DACH2: variants seen among roughly 807,000 people sequenced by gnomAD.
The protein encoded by DACH2 is dachshund homolog 2.
A neutral mutation model predicts 35.8 loss-of-function variants in DACH2; 17 were observed. That is an observed-to-expected ratio of 0.48 (90% CI 0.33 to 0.71). The LOEUF is 0.71. DACH2 is among the 30% of genes least tolerant of loss of function. The probability of loss-of-function intolerance (pLI) is 0.02; values close to 1 mark genes in which losing one functional copy is unlikely to be tolerated. For synonymous variants in DACH2, 195 were observed against 177.3 expected, an observed-to-expected ratio of 1.10 and a Z score of -0.79; for missense variants, 469 against 472.7, an observed-to-expected ratio of 0.99 and a Z score of 0.07.
chrX:86,733,160 A>T (rs1037125265), intron 6 of DACH2, among the ~76,000 whole-genome samples: 1 of 111,930 alleles, frequency 8.9e-6, no homozygotes, highest in Non-Finnish European at 1.9e-5. Flanking sequence ...TTCATCCCCA[A>T]CGTGGTGCGT....
intron 2 of DACH2, among the ~76,000 whole-genome samples, chrX:86,470,784 T>TA (rs1424539088): frequency 9.0e-6 from 1 of 111,411 alleles, no homozygotes; most frequent in Non-Finnish European, 1.9e-5. Flanking sequence ...CCCAAATCTG[T>TA]AAAAATAAAA....
At chrX:86,546,418 T>TTCTTCTTCTTCTTCC (rs1368469867) in intron 3 of DACH2, among the ~76,000 whole-genome samples, 1 of 33,878 alleles carries the variant, frequency 3.0e-5, no homozygotes, top group African/African-American at 1.2e-4. Flanking sequence ...CTTCTTCTTC[T>TTCTTCTTCTTCTTCC]TTCTTCTTCT....
chrX:86,786,880 G>A (rs1352755491), intron 7 of DACH2, among the ~76,000 whole-genome samples: 2 of 111,778 alleles, frequency 1.8e-5, no homozygotes, highest in Admixed American at 1.9e-4. Flanking sequence ...CCAGTGGGAG[G>A]TAATTGAGCC....
intron 2 of DACH2, among the ~76,000 whole-genome samples, chrX:86,489,788 G>A (rs775008169): frequency 2.7e-5 from 3 of 111,476 alleles, no homozygotes; most frequent in East Asian, 5.6e-4. Context: ...TATAGTGCTC[G>A]TTATTGTGCA....
chrX:86,171,540 G>T (rs1291968663), intron 1 of DACH2, among the ~76,000 whole-genome samples: 1 of 111,891 alleles, frequency 8.9e-6, no homozygotes, highest in Non-Finnish European at 1.9e-5. Flanking sequence ...TGGGATTGGG[G>T]ATTCCCCTCT....
At chrX:86,389,675 C>T (rs2036171037) in intron 2 of DACH2, among the ~76,000 whole-genome samples, 3 of 111,808 alleles carry the variant, frequency 2.7e-5, no homozygotes, top group South Asian at 7.4e-4. Context: ...CCCATTGCTT[C>T]TGTTAGGTTT....
Position 86,806,300 on chromosome X carries a change from G to A in DACH2, c.1241-6556G>A, listed in dbSNP as rs1027071749. On this transcript the variant is annotated intron_variant, in intron 7 of 11. Coordinates refer to ENST00000373125, the MANE Select transcript of DACH2 (RefSeq NM_053281.3). ...ATGTCTTATATGACCAGAGCAGGAGGAAGAGATAGATGGGGAGGTGTCATA... is the reference window on the plus strand; with the variant it reads ...ATGTCTTATATGACCAGAGCAGGAGAAAGAGATAGATGGGGAGGTGTCATA... Among the ~76,000 whole-genome samples the A allele has an allele frequency of 4.5e-5, 5 of 110,134 alleles. No homozygotes were observed. In the East Asian group the frequency reaches 1.4e-3, roughly 32 times the overall value.
chrX:86,225,897 C>G (rs1349750060), intron 1 of DACH2, among the ~76,000 whole-genome samples: 1 of 111,228 alleles, frequency 9.0e-6, no homozygotes, highest in Non-Finnish European at 1.9e-5. Context: ...CAAATGAAGG[C>G]TATAAATTCA....
intron 2 of DACH2, among the ~76,000 whole-genome samples, chrX:86,490,380 A>G (rs2038077856): frequency 9.0e-6 from 1 of 111,582 alleles, no homozygotes; most frequent in South Asian, 3.7e-4. Flanking sequence ...GTAAACTTCC[A>G]CTACTGATCC....
chrX:86,160,383 C>T, intron 1 of DACH2: 1 of 661,593 alleles, frequency 1.5e-6, no homozygotes, highest in Non-Finnish European at 2.4e-6. Flanking sequence ...GAGAAGCTCT[C>T]AATACACATG....
At chrX:86,731,688 G>T (rs1275459102) in intron 6 of DACH2, among the ~76,000 whole-genome samples, 1 of 111,896 alleles carries the variant, frequency 8.9e-6, no homozygotes, top group East Asian at 2.8e-4. Flanking sequence ...GTAAAAAAAA[G>T]AAAATGTTTG....
intron 1 of DACH2, among the ~76,000 whole-genome samples, chrX:86,333,242 T>C (rs1345432711): frequency 8.9e-6 from 1 of 112,259 alleles, no homozygotes; most frequent in Non-Finnish European, 1.9e-5. Flanking sequence ...AAACTTCAAA[T>C]GAAATACAGC....
At chrX:86,616,208 T>C (rs764504163) in intron 3 of DACH2, among the ~76,000 whole-genome samples, 1 of 112,047 alleles carries the variant, frequency 8.9e-6, no homozygotes, top group Non-Finnish European at 1.9e-5. Context: ...GTCTTTGTTA[T>C]TGTGAATAAT....
At chrX:86,562,090 CT>C (rs1299745503) in intron 3 of DACH2, among the ~76,000 whole-genome samples, 1 of 108,898 alleles carries the variant, frequency 9.2e-6, no homozygotes, top group African/African-American at 3.3e-5. Context: ...ACACATACTT[CT>C]TTTTTTATTC....
intron 3 of DACH2, among the ~76,000 whole-genome samples, chrX:86,529,981 A>ACACG (rs1556296756): frequency 3.9e-5 from 4 of 101,441 alleles, no homozygotes; most frequent in African/African-American, 3.5e-5. Context: ...ACACACGCAC[A>ACACG]CACACACACA....
chrX:86,204,632 C>T (rs770670129), intron 1 of DACH2, among the ~76,000 whole-genome samples: 9 of 111,636 alleles, frequency 8.1e-5, no homozygotes, highest in African/African-American at 2.0e-4. Context: ...AGTGGTAAAT[C>T]GATGTTCAGG....
chrX:86,790,857 G>A (rs1488741513), intron 7 of DACH2, among the ~76,000 whole-genome samples: 1 of 111,298 alleles, frequency 9.0e-6, no homozygotes, highest in Non-Finnish European at 1.9e-5. Context: ...TATAACTTTT[G>A]ACTCTCCAAA....
intron 7 of DACH2, among the ~76,000 whole-genome samples, chrX:86,783,310 T>C (rs1209057828): frequency 1.8e-5 from 2 of 112,171 alleles, no homozygotes; most frequent in East Asian, 5.6e-4. Context: ...CCTCGTAAAC[T>C]GTTGGTGGGA....
At chrX:86,659,795 C>T (rs2040585883) in intron 4 of DACH2, among the ~76,000 whole-genome samples, 1 of 111,809 alleles carries the variant, frequency 8.9e-6, no homozygotes, top group Non-Finnish European at 1.9e-5. Context: ...GAGATAATCA[C>T]ATTGCCTTTG....
Sources: allele counts gnomAD v4.1 joint callset (sites outside exome capture counted in the v4.1 genomes callset), GRCh38; gene constraint gnomAD v4.1.1; transcripts MANE v1.5; gene names NCBI Gene and HGNC (gene_info 2026-07-23, HGNC 2026-07-21).